The following EPHA10 variants were observed in gnomAD, a reference collection of about 807,000 sequenced individuals.
EPHA10 encodes EPH receptor A10.
Under a neutral mutation model 109.7 loss-of-function variants are expected in EPHA10, and 120 were observed. The observed-to-expected ratio is 1.09, with a 90% CI of 0.94 to 1.27. The LOEUF is 1.27. Ranked by LOEUF, EPHA10 falls within the 50% of genes most tolerant of loss-of-function variation. The probability of loss-of-function intolerance (pLI) is 0.00; values close to 1 mark genes in which losing one functional copy is unlikely to be tolerated. For missense variants in EPHA10, 1,396 were observed against 1,411.1 expected, an observed-to-expected ratio of 0.99 and a Z score of 0.17; for synonymous variants, 640 against 618.9, an observed-to-expected ratio of 1.03 and a Z score of -0.51.
chr1:37,752,380 T>G (rs1646340634), intron 5 of EPHA10, among the ~76,000 whole-genome samples: 1 of 150,696 alleles, frequency 6.6e-6, no homozygotes, highest in Non-Finnish European at 1.5e-5. Context: ...AGGCCGAGGG[T>G]TGGAGGTAAG....
At chr1:37,737,932 C>CTTTT (rs59082119) in intron 5 of EPHA10, 1,887 of 61,442 alleles carry the variant, frequency 0.031, 432 homozygotes, top group Non-Finnish European at 0.04. Context: ...TAACTGTAGG[C>CTTTT]TTTTTTTTTT....
intron 5 of EPHA10, among the ~76,000 whole-genome samples, chr1:37,746,059 AGAGT>A (rs200075119): frequency 0.022 from 3,387 of 151,102 alleles, 62 homozygotes; most frequent in Non-Finnish European, 0.038. Context: ...ATATGGACAA[AGAGT>A]GAGTGAGCTG....
intron 6 of EPHA10, among the ~76,000 whole-genome samples, chr1:37,733,735 T>C (rs1033265389): frequency 6.6e-6 from 1 of 151,818 alleles, no homozygotes; most frequent in Non-Finnish European, 1.5e-5. Context: ...CCCTTCTCAT[T>C]CCTCTCCCCC....
intron 5 of EPHA10, among the ~76,000 whole-genome samples, chr1:37,749,400 C>T (rs1029248694): frequency 5.9e-5 from 9 of 152,042 alleles, no homozygotes; most frequent in South Asian, 2.1e-4. Context: ...AGGCCGTGCA[C>T]GGTGGCTCAC....
chr1:37,715,919 G>A (rs1291802481), downstream of EPHA10: 1 of 569,432 alleles, frequency 1.8e-6, no homozygotes, highest in African/African-American at 1.8e-5. Context: ...GGGGGCAGAA[G>A]CCCTTCCACA....
intron 11 of EPHA10, among the ~76,000 whole-genome samples, chr1:37,721,414 C>T (rs1408946996): frequency 1.4e-5 from 2 of 144,124 alleles, no homozygotes; most frequent in South Asian, 2.2e-4. Context: ...GGCAACAGAG[C>T]GAGACTCCAT....
intron 14 of EPHA10, 46 bp from the exon 15 acceptor site, chr1:37,719,653 C>T: frequency 6.2e-7 from 1 of 1,605,910 alleles, no homozygotes; most frequent in Non-Finnish European, 8.5e-7. Context: ...TGGGTTTCCC[C>T]AGCATATGGT....
rs1247439896 is a variant in EPHA10 at position 37,737,236 on chromosome 1, G to A, written c.1358-1846C>T. Among the ~76,000 whole-genome samples the A allele has an allele frequency of 2.6e-5, 4 of 151,976 alleles. No homozygotes were observed. In the East Asian group the frequency reaches 7.7e-4, roughly 29 times the overall value. On this transcript the variant is annotated intron_variant, in intron 5 of 16. Transcript: ENST00000373048. Reference sequence around the variant, plus strand: ...GGCCAAGGTGAGAGAATCACTTGAGGCCAGCATTTTGAGACCAGCCTGGGC... The same window carrying A: ...GGCCAAGGTGAGAGAATCACTTGAGACCAGCATTTTGAGACCAGCCTGGGC...
intron 8 of EPHA10, among the ~76,000 whole-genome samples, chr1:37,723,946 G>A (rs6689638): frequency 0.073 from 11,096 of 152,322 alleles, 470 homozygotes; most frequent in Middle Eastern, 0.16. Context: ...CCGGTACTTG[G>A]GGCCCCTAGG....
chr1:37,748,003 C>G (rs1646265686), intron 5 of EPHA10, among the ~76,000 whole-genome samples: 1 of 151,922 alleles, frequency 6.6e-6, no homozygotes, highest in Non-Finnish European at 1.5e-5. Context: ...AAAAGAACAC[C>G]AAAATATTTT....
chr1:37,720,423 G>A lies in EPHA10; in HGVS notation c.2340C>T (p.Ser780=), dbSNP rs771860393. The change falls in exon 13 of 17, where the codon AGC becomes AGT. Residue 780 remains serine (S), a synonymous_variant. Transcript: ENST00000373048. ...AGCCAGAGATCTTGCAGACAAGGTC[G>A]CTGCTGACCAGCACATGGCGAGCTG... ...GLAARHVLVS[S]DLVCKISGFG... 5.1e-5 allele frequency: 82 copies of A among 1,613,396 alleles called. 1 individual carries two copies. Among genetic ancestry groups the A allele is most frequent in the South Asian group, 4.8e-4 (44 of 91,054 alleles).
chr1:37,764,905 C>T lies in EPHA10; in HGVS notation c.106+56G>A, dbSNP rs189432929. 6.7e-7 allele frequency: 1 copy of T among 1,502,122 alleles called. No homozygotes were observed. Among genetic ancestry groups the T allele is most frequent in the Non-Finnish European group, 9.0e-7 (1 of 1,105,498 alleles). The allele number at this position is 1,502,122 out of a possible 1,614,324, so 93.0% of individuals were successfully genotyped here. ...CTCCTTCCCCCAGAACCCCCATCGCCAGCCCCCTATCTTTTGGTATGCCAC... is the reference window on the plus strand; with the variant it reads ...CTCCTTCCCCCAGAACCCCCATCGCTAGCCCCCTATCTTTTGGTATGCCAC... On this transcript the variant is annotated intron_variant, in intron 1 of 16. Coordinates refer to ENST00000373048, the MANE Select transcript of EPHA10 (RefSeq NM_001099439.2). The surrounding 1 kb of genome is among the most constrained non-coding windows in gnomAD (Gnocchi z 5.8).
intron 3 of EPHA10, among the ~76,000 whole-genome samples, chr1:37,759,306 A>G (rs1646413488): frequency 6.6e-6 from 1 of 151,914 alleles, no homozygotes. Flanking sequence ...ACACCCCCAC[A>G]TGCCCTCTGC....
At chr1:37,738,558 T>C (rs891282819) in intron 5 of EPHA10, among the ~76,000 whole-genome samples, 8 of 152,152 alleles carry the variant, frequency 5.3e-5, no homozygotes, top group Non-Finnish European at 1.0e-4. Context: ...TACACCATTG[T>C]GTAGGAATGT....
At chr1:37,715,099 GGCCCAC>G (rs1645673493), downstream of EPHA10, 1 of 152,014 alleles carries the variant, frequency 6.6e-6, no homozygotes, top group Non-Finnish European at 1.5e-5. Context: ...GCACAATCTC[GGCCCAC>G]TGCAACCTCC....
rs1028163740 is a variant in EPHA10 at position 37,717,314 on chromosome 1, C to T, written c.*1058G>A. 1 of 232,490 alleles carries T rather than the reference C, an allele frequency of 4.3e-6. No homozygotes were observed. The highest frequency in any genetic ancestry group is 8.5e-6 in the Non-Finnish European group (1 of 117,658). The allele number at this position is 232,490 out of a possible 1,614,324, so 14.4% of individuals were successfully genotyped here. On this transcript the variant is annotated 3_prime_UTR_variant, in exon 17 of 17. Coordinates refer to ENST00000373048, the MANE Select transcript of EPHA10 (RefSeq NM_001099439.2). ...ACGGAGCTGGCTGGAGGGGAGTCGC[C>T]TCTAGAGTCCCCAAGGGCTGTACAG...
intron 2 of EPHA10, among the ~76,000 whole-genome samples, chr1:37,762,531 A>T (rs1646442413): frequency 6.6e-6 from 1 of 151,332 alleles, no homozygotes. Flanking sequence ...TATTAGCTCC[A>T]TCCAGATGCC....
chr1:37,715,914 C>A (rs1557524023), downstream of EPHA10: 1 of 567,780 alleles, frequency 1.8e-6, no homozygotes, highest in African/African-American at 1.8e-5. Context: ...AGGAAGGGGG[C>A]AGAAGCCCTT....
intron 13 of EPHA10, 98 bp downstream of exon 13, chr1:37,720,253 A>G: frequency 1.4e-6 from 2 of 1,424,606 alleles, no homozygotes; most frequent in South Asian, 1.4e-5. Context: ...AACTGGGTGG[A>G]GGGGCAGGGA....
Sources: gnomAD v4.1 joint callset for allele counts (sites outside exome capture counted in the v4.1 genomes callset) on GRCh38, gnomAD v4.1.1 for gene constraint, Gnocchi (gnomAD v3.1) non-coding constraint, MANE v1.5 for transcripts, NCBI Gene and HGNC (gene_info 2026-07-23, HGNC 2026-07-21) for gene names.